Variants in GNG2 observed in about 807,000 individuals in gnomAD.
The protein encoded by GNG2 is guanine nucleotide-binding protein G(I)/G(S)/G(O) subunit gamma-2.
Under a neutral mutation model 5.5 loss-of-function variants are expected in GNG2, and 5 were observed. The observed-to-expected ratio is 0.91, with a 90% CI of 0.48 to 1.92. The LOEUF is 1.92. Among genes scored for constraint, GNG2 ranks in the 30% most tolerant of loss-of-function variants. The probability of loss-of-function intolerance (pLI) is 0.01; values close to 1 mark genes in which losing one functional copy is unlikely to be tolerated. For synonymous variants in GNG2, 28 were observed against 32.0 expected (o/e 0.88, Z 0.42); for missense variants, 55 against 88.4 (o/e 0.62, Z 1.52).
chr14:51,952,201 AT>A, intron 3 of GNG2: 1 of 334,170 alleles, frequency 3.0e-6, no homozygotes, highest in Non-Finnish European at 5.4e-6. Context: ...ACCCATGGAC[AT>A]TTTCCCATTA....
intron 3 of GNG2, among the ~76,000 whole-genome samples, chr14:51,961,897 A>T (rs1345135520): frequency 6.6e-6 from 1 of 152,214 alleles, no homozygotes; most frequent in Non-Finnish European, 1.5e-5. Context: ...GCTGTTTTAC[A>T]AAGTTTTGGT....
intron 1 of GNG2, among the ~76,000 whole-genome samples, chr14:51,871,372 A>G (rs1393796577): frequency 6.7e-6 from 1 of 150,032 alleles, no homozygotes; most frequent in African/African-American, 2.4e-5. Context: ...TATTCATCTT[A>G]AAATAATCAT....
At chr14:51,916,363 G>A in intron 2 of GNG2, 1 of 418,162 alleles carries the variant, frequency 2.4e-6, no homozygotes. Flanking sequence ...TGAGAATAGT[G>A]CACCGTTGGC....
At chr14:51,885,159 A>T (rs576659475) in intron 2 of GNG2, among the ~76,000 whole-genome samples, 1 of 152,332 alleles carries the variant, frequency 6.6e-6, no homozygotes, top group African/African-American at 2.4e-5. Flanking sequence ...TGACTAAAAG[A>T]GTTTTGACTT....
rs115733412 is a variant in GNG2 at position 51,875,362 on chromosome 14, A to G, written c.-70-2255A>G. Among the ~76,000 whole-genome samples, 777 of 152,348 alleles carry G rather than the reference A, an allele frequency of 5.1e-3. 6 individuals carry two copies. Among genetic ancestry groups the G allele is most frequent in the African/African-American group, 0.018 (733 of 41,574 alleles). On this transcript the variant is annotated intron_variant, in intron 1 of 3. Transcript: ENST00000556766. The stretch of plus-strand genomic sequence containing the variant: ...CACATACCACTTTTGATGCTGTACC[A>G]TTGAATTTTGTCACATGACTGCATA...
chr14:51,839,609 C>G (rs73289350), intron 2 of GNG2, among the ~76,000 whole-genome samples: 1 of 152,054 alleles, frequency 6.6e-6, no homozygotes, highest in East Asian at 1.9e-4. Context: ...GGTTGTCAGA[C>G]GCCAGGGGTT....
intron 2 of GNG2, among the ~76,000 whole-genome samples, chr14:51,891,564 C>T (rs1343634148): frequency 6.6e-6 from 1 of 152,220 alleles, no homozygotes; most frequent in Non-Finnish European, 1.5e-5. Flanking sequence ...ATTCCATCCT[C>T]CTTTTTCTTC....
chr14:51,857,026 A>G (rs1014147915), upstream of GNG2, among the ~76,000 whole-genome samples: 2 of 152,212 alleles, frequency 1.3e-5, no homozygotes, highest in African/African-American at 4.8e-5. Context: ...TTTTCATTAT[A>G]CAAACATCTG....
chr14:51,920,254 C>T (rs775891481), intron 2 of GNG2, among the ~76,000 whole-genome samples: 2 of 152,040 alleles, frequency 1.3e-5, no homozygotes, highest in Non-Finnish European at 2.9e-5. Flanking sequence ...TGAAACCAAT[C>T]CCCTGAAGAT....
chr14:51,966,533 T>G (rs1348112598), intron 3 of GNG2, 26 bp from the exon 4 acceptor site: 13 of 1,608,104 alleles, frequency 8.1e-6, no homozygotes, highest in Non-Finnish European at 1.1e-5. Flanking sequence ...GACTCCAGTG[T>G]TGGTTGTTTT....
chr14:51,875,974 G>A (rs1883636266), intron 1 of GNG2, among the ~76,000 whole-genome samples: 1 of 131,226 alleles, frequency 7.6e-6, no homozygotes, highest in African/African-American at 3.2e-5. Flanking sequence ...CTCTCACTCT[G>A]TCACCCAGGC....
chr14:51,960,119 A>G (rs947905589), intron 3 of GNG2, among the ~76,000 whole-genome samples: 2 of 151,884 alleles, frequency 1.3e-5, no homozygotes, highest in African/African-American at 2.4e-5. Flanking sequence ...AGGGACTCCA[A>G]TTATATGTGT....
chr14:51,900,189 T>C (rs1175237791), intron 2 of GNG2, among the ~76,000 whole-genome samples: 1 of 152,240 alleles, frequency 6.6e-6, no homozygotes, highest in African/African-American at 2.4e-5. Context: ...TTCTGTTTTT[T>C]AAATTCTAAT....
chr14:51,937,438 C>A (rs963994304), intron 2 of GNG2, among the ~76,000 whole-genome samples: 1 of 152,066 alleles, frequency 6.6e-6, no homozygotes, highest in Non-Finnish European at 1.5e-5. Flanking sequence ...ATTTCCTTCC[C>A]TGCATGATAT....
intron 2 of GNG2, among the ~76,000 whole-genome samples, chr14:51,908,924 T>A (rs952199353): frequency 1.3e-5 from 2 of 151,950 alleles, no homozygotes; most frequent in South Asian, 4.2e-4. Flanking sequence ...AATTTGATTG[T>A]TATATTTAAG....
chr14:51,921,862 T>A (rs1594918704), intron 2 of GNG2, among the ~76,000 whole-genome samples: 1 of 152,234 alleles, frequency 6.6e-6, no homozygotes, highest in Non-Finnish European at 1.5e-5. Context: ...TCAGCTGACT[T>A]AGTGTATCAC....
At chr14:51,831,579 G>A (rs1017303224) in intron 2 of GNG2, among the ~76,000 whole-genome samples, 1 of 152,334 alleles carries the variant, frequency 6.6e-6, no homozygotes, top group Non-Finnish European at 1.5e-5. Flanking sequence ...CTATATGTTT[G>A]AGCAACCAAT....
Position 51,877,615 on chromosome 14 carries a change from A to G in GNG2, c.-70-2A>G, listed in dbSNP as rs1883761138. On this transcript the variant is annotated splice_acceptor_variant, in intron 1 of 3. Transcript: ENST00000556766. LOFTEE classifies it low-confidence loss of function (5UTR_SPLICE). ...TCGTTTTTCTCTCTGCTTTCTCAAC[A>G]GCCAGATCTGCCAGTGAGCCTCAGG... 2.2e-6 allele frequency: 1 copy of G among 455,980 alleles called. No individual in the cohort carries two copies. Among genetic ancestry groups the G allele is most frequent in the Non-Finnish European group, 4.4e-6 (1 of 226,638 alleles). 28.2% of individuals were successfully genotyped at this position (455,980 alleles called of 1,614,324 possible). A position where few individuals can be genotyped will look rare whatever the true frequency, so the allele number is the denominator to read the frequency against.
intron 2 of GNG2, among the ~76,000 whole-genome samples, chr14:51,887,695 A>C (rs1447308347): frequency 1.3e-5 from 2 of 152,182 alleles, no homozygotes; most frequent in African/African-American, 2.4e-5. Flanking sequence ...AATGAACTGA[A>C]GTTAGCGTAA....
Sources: gnomAD v4.1 joint callset for allele counts (sites outside exome capture counted in the v4.1 genomes callset) on GRCh38, gnomAD v4.1.1 for gene constraint, MANE v1.5 for transcripts, NCBI Gene and HGNC (gene_info 2026-07-23, HGNC 2026-07-21) for gene names.